RBM44: variants seen among roughly 807,000 people sequenced by gnomAD.
RBM44 encodes the protein RNA-binding protein 44.
A neutral mutation model predicts 105.1 loss-of-function variants in RBM44; 66 were observed. The observed-to-expected ratio is 0.63, with a 90% CI of 0.52 to 0.77. The LOEUF (loss-of-function observed/expected upper bound fraction) is 0.77, where lower values mean the gene tolerates loss of function less well. Among genes scored for constraint, RBM44 ranks in the 30% least tolerant of loss-of-function variants. The probability of loss-of-function intolerance (pLI) is 0.00; values close to 1 mark genes in which losing one functional copy is unlikely to be tolerated. For synonymous variants in RBM44, 365 were observed against 417.6 expected (o/e 0.87, Z 1.54); for missense variants, 1,122 against 1,207.8 (o/e 0.93, Z 1.05).
chr2:237,838,802 C>G (rs2061983176), intron 15 of RBM44, among the ~76,000 whole-genome samples: 1 of 152,122 alleles, frequency 6.6e-6, no homozygotes, highest in South Asian at 2.1e-4. Context: ...AACAGGGTTC[C>G]AAAAGTCCTT....
chr2:237,819,163 T>G (rs1224086046), intron 4 of RBM44, among the ~76,000 whole-genome samples: 2 of 152,098 alleles, frequency 1.3e-5, no homozygotes, highest in Non-Finnish European at 2.9e-5. Flanking sequence ...TCAGTCTCAA[T>G]TTCTTCAGAA....
In RBM44 at chr2:237,820,308, G is replaced by T; in HGVS notation, c.1870G>T (p.Asp624Tyr). The change falls in exon 5 of 16, where the codon GAT becomes TAT. Residue 624 changes from aspartate to tyrosine, a missense_variant. By Grantham distance (160) the Asp-to-Tyr change is radical (BLOSUM62 -3). This residue lies in a region of RBM44 where 918 missense variants were observed against 955.3 expected (regional missense o/e 0.96). Transcript: ENST00000316997. ...HYQMCRRHCCDIYKLVMENRE... is the reference protein window; with the variant it reads ...HYQMCRRHCCYIYKLVMENRE... ...TCAGATGTGTCGTCGCCATTGTTGT[G>T]ATATTTACAAACTTGTCATGGAAAA... 6.3e-7 allele frequency: 1 copy of T among 1,599,244 alleles called. No homozygotes were observed. Among genetic ancestry groups the T allele is most frequent in the Non-Finnish European group, 8.5e-7 (1 of 1,172,634 alleles).
At chr2:237,816,273 TAC>T (rs2061713884) in intron 2 of RBM44, among the ~76,000 whole-genome samples, 1 of 152,188 alleles carries the variant, frequency 6.6e-6, no homozygotes, top group South Asian at 2.1e-4. Flanking sequence ...TTTGTGTGCT[TAC>T]CTTATGACCC....
Position 237,820,721 on chromosome 2 carries a change from T to C in RBM44, c.1914-350T>C, listed in dbSNP as rs562481594. ...TTCATTTTTTTCTTTTACTCAGCATTTAAAAGAAAATATTTAGAGTTCTAG... is the reference window on the plus strand; with the variant it reads ...TTCATTTTTTTCTTTTACTCAGCATCTAAAAGAAAATATTTAGAGTTCTAG... On this transcript the variant is annotated intron_variant, in intron 5 of 15. Transcript: ENST00000316997. 2.5e-4 allele frequency: 58 copies of C among 232,880 alleles called. No homozygotes were observed. The South Asian group carries it at 4.6e-3, about 18-fold the overall frequency. The allele number at this position is 232,880 out of a possible 1,614,324, so 14.4% of individuals were successfully genotyped here.
At chr2:237,809,118 G>T (rs1280779902) in intron 1 of RBM44, among the ~76,000 whole-genome samples, 3 of 152,042 alleles carry the variant, frequency 2.0e-5, no homozygotes, top group African/African-American at 7.2e-5. Flanking sequence ...TGATAATCAA[G>T]AATCCATCCA....
Position 237,834,114 on chromosome 2 carries a change from C to G in RBM44, c.3004C>G (p.Leu1002Val). Residue 1002 changes from leucine to valine, a missense_variant, in exon 14 of 16, where the codon CTG becomes GTG. This residue lies in a region of RBM44 where 194 missense variants were observed against 225.5 expected (regional missense o/e 0.86). Coordinates refer to ENST00000316997, the MANE Select transcript of RBM44 (RefSeq NM_001080504.3). ...TAGCTTTACCAAGATCATAAAGAGA[C>G]TGGCTGAACTGCATCCAGAAGTCAG... Reference protein sequence around the residue: ...LRSFTKIIKRLAELHPEVSRD... With the variant: ...LRSFTKIIKRVAELHPEVSRD... 1 of 1,576,278 alleles carries G rather than the reference C, an allele frequency of 6.3e-7. No individual in the cohort carries two copies. Among genetic ancestry groups the G allele is most frequent in the Non-Finnish European group, 8.6e-7 (1 of 1,160,378 alleles).
At position 237,827,250 on chromosome 2, in the gene RBM44, A is replaced by G. The variant is rs1253053919; in HGVS notation, c.2450A>G (p.Glu817Gly). 6.5e-7 allele frequency: 1 copy of G among 1,549,156 alleles called. No individual in the cohort carries two copies. Among genetic ancestry groups the G allele is most frequent in the Non-Finnish European group, 8.8e-7 (1 of 1,130,896 alleles). Residue 817 changes from glutamate (E) to glycine (G), a missense_variant and splice_region_variant, in exon 11 of 16, where the codon GAA becomes GGA. Physicochemically the swap from Glu to Gly is moderately conservative, Grantham distance 98. Transcript: ENST00000316997. ...QDTWNLDLTG[E>G]MKNVEPSQRD... ...CTGTTACATGTTTTTCTCTAAGCAGAAATGAAGAATGTTGAACCCTCACAA... is the reference window on the plus strand; with the variant it reads ...CTGTTACATGTTTTTCTCTAAGCAGGAATGAAGAATGTTGAACCCTCACAA...
intron 1 of RBM44, among the ~76,000 whole-genome samples, chr2:237,809,090 G>C (rs1321400625): frequency 6.6e-6 from 1 of 152,120 alleles, no homozygotes; most frequent in Non-Finnish European, 1.5e-5. Flanking sequence ...CACAATGTAT[G>C]ATCAGCCCCT....
intron 1 of RBM44, among the ~76,000 whole-genome samples, chr2:237,804,903 G>A (rs1489480432): frequency 6.6e-6 from 1 of 152,192 alleles, no homozygotes; most frequent in South Asian, 2.1e-4. Context: ...TGAATGGGCA[G>A]AAGCTCGAAC....
Position 237,829,269 on chromosome 2 carries a change from G to T in RBM44, c.2653G>T (p.Glu885Ter). 6.2e-7 allele frequency: 1 copy of T among 1,613,078 alleles called. No individual in the cohort carries two copies. The highest frequency in any genetic ancestry group is 1.7e-4 in the Middle Eastern group (1 of 6,038). The change falls in exon 13 of 16, where the codon GAA becomes TAA. Residue 885 changes from glutamate to a stop codon, truncating the protein, a stop_gained. Transcript: ENST00000316997. LOFTEE classifies it high-confidence loss of function. Reference protein sequence around the residue: ...KNSDAKIAVKEMNGIEINGKS... With the variant: ...KNSDAKIAVK The stretch of plus-strand genomic sequence containing the variant: ...CAGCGATGCAAAGATAGCTGTGAAA[G>T]AAATGAATGGGATAGAAATAAATGG...
intron 1 of RBM44, among the ~76,000 whole-genome samples, chr2:237,804,267 G>T (rs538394276): frequency 1.3e-5 from 2 of 152,328 alleles, no homozygotes; most frequent in South Asian, 4.1e-4. Flanking sequence ...ATGTACAAGT[G>T]CATGTGTCTT....
intron 15 of RBM44, among the ~76,000 whole-genome samples, chr2:237,835,995 A>C (rs375477747): frequency 1.3e-3 from 204 of 152,336 alleles, no homozygotes; most frequent in African/African-American, 4.7e-3. Context: ...TCTAAGTTAG[A>C]TAATTGATGA....
rs1415854142 is a variant in RBM44 at position 237,824,219 on chromosome 2, T to G, written c.2321-72T>G. 29 of 1,478,088 alleles carry G rather than the reference T, an allele frequency of 2.0e-5. No homozygotes were observed. The Admixed American group carries it at 5.2e-4, about 27-fold the overall frequency. 91.6% of individuals were successfully genotyped at this position (1,478,088 alleles called of 1,614,324 possible). On this transcript the variant is annotated intron_variant, in intron 9 of 15. Coordinates refer to ENST00000316997, the MANE Select transcript of RBM44 (RefSeq NM_001080504.3). ...AGTCATCATCGTACTGATTCATCCA[T>G]GGTTTTAAGGTAACTTTTCAGTGTG...
chr2:237,828,065 T>G (rs750785159), intron 12 of RBM44, among the ~76,000 whole-genome samples: 6 of 152,178 alleles, frequency 3.9e-5, no homozygotes, highest in Non-Finnish European at 8.8e-5. Flanking sequence ...CAGTTACTTT[T>G]TAGTTGACAC....
intron 1 of RBM44, among the ~76,000 whole-genome samples, chr2:237,808,322 C>T (rs1180745239): frequency 6.6e-6 from 1 of 152,000 alleles, no homozygotes; most frequent in East Asian, 1.9e-4. Context: ...TGGTGGCTTG[C>T]ACCTGTAGTC....
intron 1 of RBM44, among the ~76,000 whole-genome samples, chr2:237,802,805 C>T (rs1355029408): frequency 6.6e-6 from 1 of 152,176 alleles, no homozygotes; most frequent in Non-Finnish European, 1.5e-5. Context: ...AGGTATTCGT[C>T]TCTGAAACTG....
Position 237,842,065 on chromosome 2 carries a change from A to T in RBM44, c.*249A>T, listed in dbSNP as rs941205536. Reference sequence around the variant, plus strand: ...AATATAATTTTTAATAAGTTTTTAAATTTTTTTATTTCAATTTTGTTACTT... The same window carrying T: ...AATATAATTTTTAATAAGTTTTTAATTTTTTTTATTTCAATTTTGTTACTT... On this transcript the variant is annotated 3_prime_UTR_variant, in exon 16 of 16. Coordinates refer to ENST00000316997, the MANE Select transcript of RBM44 (RefSeq NM_001080504.3). 3.9e-5 allele frequency: 6 copies of T among 151,972 alleles called. No individual in the cohort carries two copies. Among genetic ancestry groups the T allele is most frequent in the African/African-American group, 1.4e-4 (6 of 41,440 alleles). The allele number at this position is 151,972 out of a possible 1,614,324, so 9.4% of individuals were successfully genotyped here.
rs754935321 is a variant in RBM44, at chr2:237,818,492, T to C, written c.1573T>C (p.Ser525Pro). ...QKSVACSTDW[S>P]YSEDCIDTQM... ...AAGTGTGGCTTGTAGTACAGATTGGTCATACAGTGAAGATTGTATAGATAC... is the reference window on the plus strand; with the variant it reads ...AAGTGTGGCTTGTAGTACAGATTGGCCATACAGTGAAGATTGTATAGATAC... The change falls in exon 3 of 16, where the codon TCA becomes CCA. Residue 525 changes from serine to proline, a missense_variant. By Grantham distance (74) the Ser-to-Pro change is moderately conservative. Transcript: ENST00000316997. The surrounding 1 kb of genome is among the most constrained non-coding windows in gnomAD (Gnocchi z 4.6). 1 of 1,612,376 alleles carries C rather than the reference T, an allele frequency of 6.2e-7. No individual in the cohort carries two copies. The highest frequency in any genetic ancestry group is 2.2e-5 in the East Asian group (1 of 44,808).
At chr2:237,835,732 T>G (rs1339002711) in intron 15 of RBM44, among the ~76,000 whole-genome samples, 3 of 151,676 alleles carry the variant, frequency 2.0e-5, no homozygotes, top group Admixed American at 1.3e-4. Context: ...AACAGAGGGT[T>G]GGTTAGTTCA....
Sources: allele counts gnomAD v4.1 joint callset (sites outside exome capture counted in the v4.1 genomes callset), GRCh38; gene constraint gnomAD v4.1.1; regional missense constraint gnomAD v4.1.1; non-coding constraint Gnocchi (gnomAD v3.1); transcripts MANE v1.5; gene names NCBI Gene and HGNC (gene_info 2026-07-23, HGNC 2026-07-21).